The following NELL2 variants were observed in gnomAD, a reference collection of about 807,000 sequenced individuals.
NELL2 encodes neural EGFL like 2, also known as protein kinase C-binding protein NELL2.
A neutral mutation model predicts 109.6 loss-of-function variants in NELL2; 41 were observed. That is an observed-to-expected ratio of 0.37 (90% CI 0.29 to 0.49). NELL2 has a LOEUF of 0.49. NELL2 is among the 20% of genes least tolerant of loss of function. The pLI, the probability that NELL2 is intolerant of heterozygous loss-of-function variation, is 0.98. For synonymous variants in NELL2, 355 were observed against 344.7 expected, an observed-to-expected ratio of 1.03 and a Z score of -0.33; for missense variants, 900 against 1,008.3, an observed-to-expected ratio of 0.89 and a Z score of 1.45.
At position 44,876,202 on chromosome 12, in the gene NELL2, A is replaced by G. The variant is rs1945316620; in HGVS notation, c.-333T>C. 2 of 1,209,362 alleles carry G rather than the reference A, an allele frequency of 1.7e-6. No individual in the cohort carries two copies. Among genetic ancestry groups the G allele is most frequent in the Non-Finnish European group, 2.1e-6 (2 of 968,386 alleles). The allele number at this position is 1,209,362 out of a possible 1,614,324, so 74.9% of individuals were successfully genotyped here. On this transcript the variant is annotated 5_prime_UTR_variant, in exon 1 of 20. Coordinates refer to ENST00000429094, the MANE Select transcript of NELL2 (RefSeq NM_001145108.2). The stretch of plus-strand genomic sequence containing the variant: ...GCTCCCGAGCCGAATAAAAGCAGCC[A>G]AAGACTCGCACACCCGGTAGAAGGG...
intron 9 of NELL2, among the ~76,000 whole-genome samples, chr12:44,762,064 C>CA (rs921526160): frequency 2.6e-5 from 4 of 151,768 alleles, no homozygotes; most frequent in Non-Finnish European, 5.9e-5. Context: ...TAAAACACAA[C>CA]AAAAAAATAG....
chr12:44,534,201 T>C (rs114522146), intron 15 of NELL2, among the ~76,000 whole-genome samples: 1,624 of 152,172 alleles, frequency 0.011, 32 homozygotes, highest in African/African-American at 0.037. Flanking sequence ...AATGAATAAA[T>C]GTATACATAA....
chr12:44,779,971 G>A lies in NELL2; in HGVS notation c.387C>T (p.Tyr129=), dbSNP rs147448081. The change falls in exon 4 of 20, where the codon TAC becomes TAT. Residue 129 remains tyrosine, a synonymous_variant. Coordinates refer to ENST00000429094, the MANE Select transcript of NELL2 (RefSeq NM_001145108.2). ...SGHRNEVRLH[Y]RSGSHRPHTE... ...TGTGAGGGCGGTGACTGCCTGAGCG[G>A]TAATGCAGTCTGACTTCATTCCGAT... is the stretch of plus-strand genomic sequence containing the variant. The A allele has an allele frequency of 4.3e-6, 7 of 1,613,894 alleles. No homozygotes were observed. The African/African-American group carries it at 5.3e-5, about 12-fold the overall frequency.
At chr12:44,528,097 C>CAAAAAAAAA (rs71093812) in intron 16 of NELL2, among the ~76,000 whole-genome samples, 26 of 22,000 alleles carry the variant, frequency 1.2e-3, no homozygotes, top group Admixed American at 3.1e-3. Flanking sequence ...GACTCCGTCT[C>CAAAAAAAAA]AAAAAAAAAA....
At chr12:44,641,328 A>C (rs1946846048) in intron 13 of NELL2, among the ~76,000 whole-genome samples, 1 of 152,158 alleles carries the variant, frequency 6.6e-6, no homozygotes, top group South Asian at 2.1e-4. Context: ...TAAGTAATAA[A>C]ATTAACTGTA....
intron 3 of NELL2, among the ~76,000 whole-genome samples, chr12:44,814,119 A>G (rs1021132696): frequency 5.9e-5 from 9 of 152,188 alleles, no homozygotes; most frequent in Non-Finnish European, 8.8e-5. Context: ...AAACAGACCC[A>G]TTGAAATGCT....
At chr12:44,719,055 C>G (rs1223216605) in intron 9 of NELL2, among the ~76,000 whole-genome samples, 1 of 152,078 alleles carries the variant, frequency 6.6e-6, no homozygotes, top group Non-Finnish European at 1.5e-5. Flanking sequence ...TGGATAGTCA[C>G]TAGCATCATA....
intron 13 of NELL2, among the ~76,000 whole-genome samples, chr12:44,633,243 T>TA (rs1946519983): frequency 6.6e-6 from 1 of 152,084 alleles, no homozygotes; most frequent in African/African-American, 2.4e-5. Context: ...TCACTGGTGA[T>TA]TTCTATGTGA....
At chr12:44,576,238 C>T (rs1198156067) in intron 15 of NELL2, among the ~76,000 whole-genome samples, 1 of 152,236 alleles carries the variant, frequency 6.6e-6, no homozygotes, top group East Asian at 1.9e-4. Context: ...TGGATGGCCA[C>T]TTTCGTAGTT....
At chr12:44,519,109 A>C (rs1343467841) in intron 19 of NELL2, among the ~76,000 whole-genome samples, 1 of 152,216 alleles carries the variant, frequency 6.6e-6, no homozygotes, top group Non-Finnish European at 1.5e-5. Context: ...TGTAGGAAAA[A>C]AATTACAAAA....
At position 44,624,996 on chromosome 12, in the gene NELL2, G is replaced by GTA. The variant is rs3072882; in HGVS notation, c.1445-14028_1445-14027dup. Among the ~76,000 whole-genome samples, 152 of 71,098 alleles carry GTA rather than the reference G, an allele frequency of 2.1e-3. 1 individual carries two copies. The highest frequency in any genetic ancestry group is 2.7e-3 in the Non-Finnish European group (92 of 33,788). The allele number at this position is 71,098 out of a possible 152,430, so 46.6% of individuals were successfully genotyped here. ...ATGACAAATATATATATATGTGTGT[G>GTA]TATATATATATATATATATATATAT... On this transcript the variant is annotated intron_variant, in intron 13 of 19. Transcript: ENST00000429094.
At chr12:44,826,915 GATAA>G (rs755132763) in intron 2 of NELL2, among the ~76,000 whole-genome samples, 30 of 152,024 alleles carry the variant, frequency 2.0e-4, no homozygotes, top group Non-Finnish European at 4.0e-4. Context: ...ATATTCTGAA[GATAA>G]ATAAATAAAT....
chr12:44,753,876 C>G (rs1162604199), intron 9 of NELL2, among the ~76,000 whole-genome samples: 5 of 152,134 alleles, frequency 3.3e-5, no homozygotes, highest in African/African-American at 4.8e-5. Context: ...AAAATTTCCC[C>G]TAATGAATAA....
At chr12:44,629,287 T>C (rs1026990370) in intron 13 of NELL2, among the ~76,000 whole-genome samples, 11 of 152,292 alleles carry the variant, frequency 7.2e-5, no homozygotes, top group Non-Finnish European at 1.3e-4. Flanking sequence ...TTTGAAATAA[T>C]CTCAGAATTT....
intron 13 of NELL2, among the ~76,000 whole-genome samples, chr12:44,614,533 A>G (rs1446917738): frequency 6.6e-6 from 1 of 152,006 alleles, no homozygotes; most frequent in East Asian, 1.9e-4. Context: ...CAATATAGTA[A>G]AGTTCGTCCA....
intron 12 of NELL2, among the ~76,000 whole-genome samples, chr12:44,692,148 G>A (rs1470867084): frequency 3.3e-5 from 5 of 152,168 alleles, no homozygotes. Context: ...TGACTCTCTT[G>A]TTAGGGGCTA....
intron 15 of NELL2, among the ~76,000 whole-genome samples, chr12:44,548,002 C>T (rs1827872282): frequency 6.6e-6 from 1 of 152,136 alleles, no homozygotes; most frequent in South Asian, 2.1e-4. Context: ...GCTAGTCTTA[C>T]CAAAACAAAA....
intron 1 of NELL2, among the ~76,000 whole-genome samples, chr12:44,887,313 G>A (rs1945484879): frequency 6.6e-6 from 1 of 151,938 alleles, no homozygotes; most frequent in African/African-American, 2.4e-5. Context: ...TACTGCATCT[G>A]GCCCTTATTT....
At chr12:44,855,614 G>A (rs946188115) in intron 2 of NELL2, among the ~76,000 whole-genome samples, 4 of 152,178 alleles carry the variant, frequency 2.6e-5, no homozygotes, top group African/African-American at 9.6e-5. Context: ...CAATAATGGA[G>A]AAGTACCATA....
Sources: gnomAD v4.1 joint callset for allele counts (sites outside exome capture counted in the v4.1 genomes callset) on GRCh38, gnomAD v4.1.1 for gene constraint, MANE v1.5 for transcripts, NCBI Gene and HGNC (gene_info 2026-07-23, HGNC 2026-07-21) for gene names.